Variants in TSC22D3 observed in about 807,000 individuals in gnomAD.
TSC22D3 encodes the protein TSC22 domain family protein 3.
A neutral mutation model predicts 11.1 loss-of-function variants in TSC22D3; 4 were observed. The observed-to-expected ratio is 0.36, with a 90% CI of 0.18 to 0.83. The LOEUF (loss-of-function observed/expected upper bound fraction) is 0.83. TSC22D3 is among the 40% of genes least tolerant of loss of function. The pLI, the probability that TSC22D3 is intolerant of heterozygous loss-of-function variation, is 0.48. For synonymous variants in TSC22D3, 77 were observed against 70.3 expected, an observed-to-expected ratio of 1.10 and a Z score of -0.48; for missense variants, 118 against 159.4, an observed-to-expected ratio of 0.74 and a Z score of 1.40.
chrX:107,742,386 GAA>G (rs1184964134), intron 1 of TSC22D3, among the ~76,000 whole-genome samples: 2 of 106,445 alleles, frequency 1.9e-5, no homozygotes, highest in African/African-American at 6.9e-5. Context: ...GAGAGAGAGA[GAA>G]AGAGAGAGAG....
intron 1 of TSC22D3, chrX:107,721,986 G>T: frequency 2.4e-6 from 1 of 410,984 alleles, no homozygotes; most frequent in Non-Finnish European, 4.4e-6. Context: ...ACTATAGACA[G>T]GAAGGCCACT....
At chrX:107,732,450 C>T (rs370504782) in intron 1 of TSC22D3, among the ~76,000 whole-genome samples, 1 of 111,107 alleles carries the variant, frequency 9.0e-6, no homozygotes, top group Admixed American at 9.5e-5. Context: ...AACACACCCC[C>T]GCCCTACTCC....
At chrX:107,738,221 G>T (rs1478144950) in intron 1 of TSC22D3, among the ~76,000 whole-genome samples, 1 of 112,674 alleles carries the variant, frequency 8.9e-6, no homozygotes, top group Non-Finnish European at 1.9e-5. Context: ...ACCTGAGTTT[G>T]GTTCCCTTGC....
intron 1 of TSC22D3, among the ~76,000 whole-genome samples, chrX:107,774,697 T>C (rs1930055036): frequency 8.9e-6 from 1 of 112,161 alleles, no homozygotes; most frequent in African/African-American, 3.2e-5. Context: ...GTAGTTTCAA[T>C]CTGATTTTGC....
chrX:107,753,924 T>TC (rs1929052804), intron 1 of TSC22D3, among the ~76,000 whole-genome samples: 1 of 109,456 alleles, frequency 9.1e-6, no homozygotes, highest in Admixed American at 9.7e-5. Flanking sequence ...TTCCTTTTTT[T>TC]TTTTTTTTTA....
intron 1 of TSC22D3, among the ~76,000 whole-genome samples, chrX:107,747,717 A>G (rs1382209633): frequency 8.9e-6 from 1 of 112,854 alleles, no homozygotes; most frequent in Non-Finnish European, 1.9e-5. Context: ...TTGAATTTCT[A>G]AATACAGGCT....
intron 1 of TSC22D3, among the ~76,000 whole-genome samples, chrX:107,737,044 A>G (rs1928171396): frequency 9.0e-6 from 1 of 111,446 alleles, no homozygotes; most frequent in African/African-American, 3.3e-5. Context: ...ACGTCAACAG[A>G]CCCAGAGACC....
At position 107,758,458 on chromosome X, in the gene TSC22D3, C is replaced by T. The variant is rs73636317; in HGVS notation, c.320+16642G>A. Among the ~76,000 whole-genome samples, 841 of 111,546 alleles carry T rather than the reference C, an allele frequency of 7.5e-3. 6 individuals are homozygous for T. The highest frequency in any genetic ancestry group is 0.026 in the African/African-American group (808 of 30,645). On this transcript the variant is annotated intron_variant, in intron 1 of 2. Transcript: ENST00000372383. ...AAATGTACCAGATATCAACACCCACCAAGCAGATTGGCTTTTGGTAGCTCA... is the reference window on the plus strand; with the variant it reads ...AAATGTACCAGATATCAACACCCACTAAGCAGATTGGCTTTTGGTAGCTCA...
chrX:107,747,428 G>A (rs1928721714), intron 1 of TSC22D3, among the ~76,000 whole-genome samples: 2 of 112,716 alleles, frequency 1.8e-5, no homozygotes, highest in South Asian at 3.7e-4. Flanking sequence ...TGACATCTAA[G>A]TGGTGGGCAC....
intron 1 of TSC22D3, among the ~76,000 whole-genome samples, chrX:107,732,451 G>A (rs1384274288): frequency 3.6e-5 from 4 of 110,547 alleles, no homozygotes; most frequent in East Asian, 2.9e-4. Flanking sequence ...ACACACCCCC[G>A]CCCTACTCCA....
chrX:107,771,191 G>A, intron 1 of TSC22D3, among the ~76,000 whole-genome samples: 1 of 112,612 alleles, frequency 8.9e-6, no homozygotes, highest in East Asian at 2.8e-4. Flanking sequence ...TTTCTTCATA[G>A]ACAATTCAGG....
intron 1 of TSC22D3, among the ~76,000 whole-genome samples, chrX:107,734,087 C>A (rs1364933635): frequency 8.9e-6 from 1 of 112,073 alleles, no homozygotes; most frequent in Non-Finnish European, 1.9e-5. Context: ...AGCTAAGGAG[C>A]AGTCTGGGGC....
chrX:107,737,400 G>A (rs192257497), intron 1 of TSC22D3, among the ~76,000 whole-genome samples: 1 of 111,786 alleles, frequency 8.9e-6, no homozygotes, highest in Admixed American at 9.4e-5. Flanking sequence ...CTAAGTAAGA[G>A]AACAACCAGA....
At chrX:107,773,150 A>G (rs1399085383) in intron 1 of TSC22D3, among the ~76,000 whole-genome samples, 1 of 112,648 alleles carries the variant, frequency 8.9e-6, no homozygotes, top group Non-Finnish European at 1.9e-5. Flanking sequence ...AAGAGTCAAT[A>G]AACTCGTATT....
At chrX:107,770,456 T>A (rs887876838) in intron 1 of TSC22D3, among the ~76,000 whole-genome samples, 2 of 112,257 alleles carry the variant, frequency 1.8e-5, no homozygotes, top group African/African-American at 6.5e-5. Context: ...TCCTTCCCCT[T>A]TGTTACTATA....
At chrX:107,717,870 C>T (rs1306962651) in intron 1 of TSC22D3, among the ~76,000 whole-genome samples, 2 of 112,091 alleles carry the variant, frequency 1.8e-5, no homozygotes, top group South Asian at 3.6e-4. Context: ...TCTTTAGTCT[C>T]CACATTCTAC....
intron 1 of TSC22D3, among the ~76,000 whole-genome samples, chrX:107,770,894 A>G (rs947946528): frequency 8.9e-6 from 1 of 112,040 alleles, no homozygotes; most frequent in East Asian, 2.8e-4. Context: ...AGAATATTCT[A>G]TCTCCCTCCT....
At chrX:107,773,807 C>A (rs1280040822) in intron 1 of TSC22D3, among the ~76,000 whole-genome samples, 1 of 111,637 alleles carries the variant, frequency 9.0e-6, no homozygotes, top group African/African-American at 3.3e-5. Flanking sequence ...TGTCTTGGGG[C>A]AAGGGAGGCA....
chrX:107,728,888 G>A (rs1927760096), intron 1 of TSC22D3, among the ~76,000 whole-genome samples: 1 of 111,550 alleles, frequency 9.0e-6, no homozygotes, highest in Admixed American at 9.5e-5. Flanking sequence ...GGCTGGCTAA[G>A]TATAGACTGG....
Sources: gnomAD v4.1 joint callset for allele counts (sites outside exome capture counted in the v4.1 genomes callset) on GRCh38, gnomAD v4.1.1 for gene constraint, MANE v1.5 for transcripts, NCBI Gene and HGNC (gene_info 2026-07-23, HGNC 2026-07-21) for gene names.